Variants in TUSC3 observed in about 807,000 individuals in gnomAD.
TUSC3 encodes tumor suppressor candidate 3, also known as dolichyl-diphosphooligosaccharide--protein glycosyltransferase subunit TUSC3.
TUSC3 carries 45 observed loss-of-function variants against 44.8 expected under a neutral mutation model. The observed-to-expected ratio is 1.00, with a 90% CI of 0.79 to 1.29. TUSC3 has a LOEUF of 1.29. Among genes scored for constraint, TUSC3 ranks in the 50% most tolerant of loss-of-function variants. TUSC3 has a pLI of 0.00. For synonymous variants in TUSC3, 212 were observed against 152.9 expected, an observed-to-expected ratio of 1.39 and a Z score of -2.85; for missense variants, 519 against 437.9, an observed-to-expected ratio of 1.19 and a Z score of -1.65.
At chr8:15,475,855 C>A (rs555192583) in intron 1 of TUSC3, among the ~76,000 whole-genome samples, 129 of 152,234 alleles carry the variant, frequency 8.5e-4, no homozygotes, top group African/African-American at 3.0e-3. Context: ...TAATTCTCTT[C>A]CTCTGATAGA....
At chr8:15,438,309 T>C (rs540472782) in intron 1 of TUSC3, among the ~76,000 whole-genome samples, 3 of 152,238 alleles carry the variant, frequency 2.0e-5, no homozygotes, top group African/African-American at 7.2e-5. Flanking sequence ...TTGGTCAGGC[T>C]AGTCTCAAAC....
At chr8:15,454,794 GATATGATTTAATC>G (rs1488254160) in intron 1 of TUSC3, among the ~76,000 whole-genome samples, 1 of 152,110 alleles carries the variant, frequency 6.6e-6, no homozygotes, top group Non-Finnish European at 1.5e-5. Flanking sequence ...AACTTGCTGG[GATATGATTTAATC>G]AATGATTTAT....
At chr8:15,561,775 C>G (rs557752350) in intron 1 of TUSC3, 1 of 151,264 alleles carries the variant, frequency 6.6e-6, no homozygotes, top group Non-Finnish European at 1.5e-5. Context: ...TTCCAGGTGC[C>G]GTCCGTCACC....
chr8:15,483,314 GT>G, intron 1 of TUSC3: 1 of 216,158 alleles, frequency 4.6e-6, no homozygotes, highest in East Asian at 1.4e-4. Context: ...AAAAAGCACT[GT>G]TTTTGTTGTT....
chr8:15,638,847 A>G (rs1462102858), intron 2 of TUSC3, among the ~76,000 whole-genome samples: 1 of 152,158 alleles, frequency 6.6e-6, no homozygotes, highest in Non-Finnish European at 1.5e-5. Context: ...CTAGCATTAC[A>G]CTGATGATTA....
At position 15,748,319 on chromosome 8, in the gene TUSC3, T is replaced by G; in HGVS notation, c.938-56T>G. ...TGAATGCATTTAAAAATATAAACAA[T>G]TGGGGTTTCATTTGCATATTTTTAG... is the stretch of plus-strand genomic sequence containing the variant. On this transcript the variant is annotated intron_variant, in intron 8 of 10. Transcript: ENST00000503731. The G allele has an allele frequency of 1.0e-5, 13 of 1,264,606 alleles. No homozygotes were observed. In the South Asian group the frequency reaches 1.1e-4, roughly 10 times the overall value. 78.3% of individuals were successfully genotyped at this position (1,264,606 alleles called of 1,614,324 possible). A position where few individuals can be genotyped will look rare whatever the true frequency, so the allele number is the denominator to read the frequency against.
chr8:15,760,475 A>C (rs1207759548), intron 10 of TUSC3, among the ~76,000 whole-genome samples: 1 of 152,134 alleles, frequency 6.6e-6, no homozygotes, highest in African/African-American at 2.4e-5. Flanking sequence ...TTTATGGTGT[A>C]TCTTTCAGTA....
At chr8:15,639,017 G>A (rs1045779189) in intron 2 of TUSC3, among the ~76,000 whole-genome samples, 1 of 147,600 alleles carries the variant, frequency 6.8e-6, no homozygotes, top group African/African-American at 2.7e-5. Flanking sequence ...ATGATCATGT[G>A]TCGATGCTAG....
intron 6 of TUSC3, among the ~76,000 whole-genome samples, chr8:15,720,070 C>G (rs148419463): frequency 2.6e-5 from 4 of 152,064 alleles, no homozygotes; most frequent in East Asian, 3.9e-4. Context: ...AGGCACTTGC[C>G]ACCACACTCA....
the TUSC3 span, among the ~76,000 whole-genome samples, chr8:15,836,412 G>C: frequency 6.6e-6 from 1 of 150,826 alleles, no homozygotes; most frequent in Non-Finnish European, 1.5e-5. Context: ...GGGAGGTGGA[G>C]GTTGCAGTGA....
intron 9 of TUSC3, among the ~76,000 whole-genome samples, chr8:15,753,474 C>G (rs774568289): frequency 5.9e-5 from 9 of 152,010 alleles, no homozygotes; most frequent in Non-Finnish European, 1.2e-4. Flanking sequence ...TTTACAGTAT[C>G]CTCCTAAACC....
At chr8:15,528,475 G>C (rs1173112745) in intron 2 of TUSC3, among the ~76,000 whole-genome samples, 1 of 152,194 alleles carries the variant, frequency 6.6e-6, no homozygotes, top group Non-Finnish European at 1.5e-5. Flanking sequence ...ACAAATTACA[G>C]CATTTTTAAA....
chr8:15,419,802 A>G (rs1799715896), intron 1 of TUSC3, among the ~76,000 whole-genome samples: 1 of 152,192 alleles, frequency 6.6e-6, no homozygotes, highest in Non-Finnish European at 1.5e-5. Flanking sequence ...GCTATTTCTC[A>G]GCCCATTGTA....
intron 1 of TUSC3, among the ~76,000 whole-genome samples, chr8:15,562,788 A>G (rs12547558): frequency 0.32 from 48,990 of 151,970 alleles, 9,289 homozygotes; most frequent in Non-Finnish European, 0.42. Flanking sequence ...CAGCATGGCT[A>G]TTTGCTTTAT....
intron 2 of TUSC3, among the ~76,000 whole-genome samples, chr8:15,516,188 A>T (rs1250942694): frequency 6.6e-6 from 1 of 152,156 alleles, no homozygotes; most frequent in Non-Finnish European, 1.5e-5. Context: ...GAGATACTTC[A>T]CTGATCTTAG....
chr8:15,453,955 T>G (rs1309682104), intron 1 of TUSC3, among the ~76,000 whole-genome samples: 1 of 152,192 alleles, frequency 6.6e-6, no homozygotes. Flanking sequence ...GGCTCAAGCA[T>G]GTACACTAAG....
chr8:15,786,365 G>T, the TUSC3 span, among the ~76,000 whole-genome samples: 6 of 152,258 alleles, frequency 3.9e-5, no homozygotes, highest in South Asian at 4.1e-4. Flanking sequence ...TCTCTATATA[G>T]ACTACTTTTA....
chr8:15,808,463 G>C, the TUSC3 span, among the ~76,000 whole-genome samples: 45 of 152,226 alleles, frequency 3.0e-4, no homozygotes, highest in African/African-American at 1.1e-3. Context: ...GAAAGCTTAA[G>C]GGGTTAGAAA....
chr8:15,569,841 A>G (rs1167982823), intron 1 of TUSC3, among the ~76,000 whole-genome samples: 1 of 152,118 alleles, frequency 6.6e-6, no homozygotes, highest in Non-Finnish European at 1.5e-5. Flanking sequence ...TTTGTAATCC[A>G]TTTAGTGCGG....
Sources: allele counts gnomAD v4.1 joint callset (sites outside exome capture counted in the v4.1 genomes callset), GRCh38; gene constraint gnomAD v4.1.1; transcripts MANE v1.5; gene names NCBI Gene and HGNC (gene_info 2026-07-23, HGNC 2026-07-21).